MYO3B: variants seen among roughly 807,000 people sequenced by gnomAD.
MYO3B encodes the protein myosin IIIB, also known as myosin-IIIb.
Under a neutral mutation model 174.6 loss-of-function variants are expected in MYO3B, and 156 were observed. The observed-to-expected ratio is 0.89, with a 90% CI of 0.78 to 1.02. MYO3B has a LOEUF of 1.02. Ranked by LOEUF, MYO3B falls within the 50% of genes least tolerant of loss-of-function variation. MYO3B has a pLI of 0.00. For missense variants in MYO3B, 1,632 were observed against 1,639.4 expected (o/e 1.00, Z 0.08); for synonymous variants, 563 against 569.1 (o/e 0.99, Z 0.15).
chr2:170,219,205 C>G (rs896845025), intron 6 of MYO3B, among the ~76,000 whole-genome samples: 1 of 152,230 alleles, frequency 6.6e-6, no homozygotes, highest in Non-Finnish European at 1.5e-5. Context: ...GTTTCCACCA[C>G]GTCCTTAGAC....
At chr2:170,276,086 A>AT (rs1288496453) in intron 7 of MYO3B, among the ~76,000 whole-genome samples, 3 of 152,172 alleles carry the variant, frequency 2.0e-5, no homozygotes, top group Admixed American at 1.3e-4. Flanking sequence ...TTACTTATAA[A>AT]TTTTACTCCT....
chr2:170,276,939 A>G (rs2093467783), intron 7 of MYO3B, among the ~76,000 whole-genome samples: 2 of 152,164 alleles, frequency 1.3e-5, no homozygotes, highest in Admixed American at 1.3e-4. Context: ...CATTTTATGG[A>G]TTATATAATA....
intron 7 of MYO3B, among the ~76,000 whole-genome samples, chr2:170,274,452 A>G (rs2093448624): frequency 6.6e-6 from 1 of 152,158 alleles, no homozygotes; most frequent in African/African-American, 2.4e-5. Context: ...GATTCTACTC[A>G]CTGTGTTCTC....
intron 32 of MYO3B, among the ~76,000 whole-genome samples, chr2:170,564,707 C>T (rs1444528178): frequency 6.6e-6 from 1 of 151,820 alleles, no homozygotes; most frequent in African/African-American, 2.4e-5. Context: ...CAACAATTCG[C>T]TCAGAATCTT....
intron 32 of MYO3B, among the ~76,000 whole-genome samples, chr2:170,558,026 A>T (rs1289325762): frequency 6.6e-6 from 1 of 152,132 alleles, no homozygotes; most frequent in Admixed American, 6.5e-5. Context: ...CGGAGGCCAG[A>T]CACCGTGGCT....
chr2:170,414,059 ATAAC>A (rs1558978179), intron 22 of MYO3B, among the ~76,000 whole-genome samples: 1 of 152,142 alleles, frequency 6.6e-6, no homozygotes, highest in African/African-American at 2.4e-5. Flanking sequence ...AATAAATAAA[ATAAC>A]TATCCTTTCT....
intron 30 of MYO3B, among the ~76,000 whole-genome samples, chr2:170,535,541 G>C (rs558323840): frequency 6.6e-6 from 1 of 152,260 alleles, no homozygotes; most frequent in South Asian, 2.1e-4. Context: ...TGATTATCTG[G>C]AAGAGTCCAG....
chr2:170,507,785 C>G (rs1426888936), intron 28 of MYO3B, among the ~76,000 whole-genome samples: 1 of 152,112 alleles, frequency 6.6e-6, no homozygotes, highest in East Asian at 1.9e-4. Flanking sequence ...GGAAAACATA[C>G]CTTGTCTGTG....
At chr2:170,522,151 A>G (rs768523871) in intron 30 of MYO3B, among the ~76,000 whole-genome samples, 6 of 152,276 alleles carry the variant, frequency 3.9e-5, no homozygotes, top group Admixed American at 6.5e-5. Flanking sequence ...ACCCTGGATG[A>G]TACCATCTCT....
intron 1 of MYO3B, among the ~76,000 whole-genome samples, chr2:170,197,111 G>GGACA (rs2092609945): frequency 6.6e-6 from 1 of 151,708 alleles, no homozygotes; most frequent in African/African-American, 2.4e-5. Flanking sequence ...CAGAGCAAGA[G>GGACA]GACAGCTTCA....
chr2:170,507,969 C>T lies in MYO3B; in HGVS notation c.3370+6104C>T, dbSNP rs536836104. On this transcript the variant is annotated intron_variant, in intron 28 of 34. Transcript: ENST00000408978. ...TTTGCTATGGAATAAAATTATTGCC[C>T]ATGCTAGGATTAAATAAGCCAGAGG... 5.9e-4 allele frequency among the ~76,000 whole-genome samples: 90 copies of T among 152,292 alleles called. 2 individuals carry two copies. The South Asian group carries it at 0.017, about 29-fold the overall frequency.
intron 7 of MYO3B, among the ~76,000 whole-genome samples, chr2:170,281,246 T>C (rs909399261): frequency 3.3e-5 from 5 of 152,208 alleles, no homozygotes; most frequent in African/African-American, 1.2e-4. Context: ...CAATTGTGAA[T>C]GGGATTGTTT....
chr2:170,327,277 C>T (rs900022725), intron 7 of MYO3B, among the ~76,000 whole-genome samples: 5 of 152,100 alleles, frequency 3.3e-5, no homozygotes, highest in South Asian at 2.1e-4. Flanking sequence ...CCCAACTACT[C>T]GGGAGGCTGA....
At chr2:170,431,421 TC>T (rs1360423784) in intron 22 of MYO3B, among the ~76,000 whole-genome samples, 6 of 152,326 alleles carry the variant, frequency 3.9e-5, no homozygotes, top group South Asian at 2.1e-4. Flanking sequence ...TGGACTGACA[TC>T]CTGTTTATGA....
At chr2:170,242,788 C>A (rs1016039300) in intron 7 of MYO3B, among the ~76,000 whole-genome samples, 1 of 152,184 alleles carries the variant, frequency 6.6e-6, no homozygotes, top group African/African-American at 2.4e-5. Flanking sequence ...CTGACTGTGG[C>A]TAATTCCAAC....
chr2:170,309,842 C>T (rs1463189182), intron 7 of MYO3B, among the ~76,000 whole-genome samples: 1 of 151,956 alleles, frequency 6.6e-6, no homozygotes, highest in Admixed American at 6.6e-5. Context: ...GTTGTGCAAC[C>T]AACACCTCTG....
intron 7 of MYO3B, among the ~76,000 whole-genome samples, chr2:170,237,026 T>C (rs1231867311): frequency 6.6e-6 from 1 of 152,240 alleles, no homozygotes; most frequent in African/African-American, 2.4e-5. Context: ...TTCATCATCA[T>C]AATTTTATCA....
intron 7 of MYO3B, among the ~76,000 whole-genome samples, chr2:170,274,511 G>A (rs566958558): frequency 1.3e-5 from 2 of 152,264 alleles, no homozygotes; most frequent in African/African-American, 4.8e-5. Context: ...GTAAATATTG[G>A]ATGAGTGAAC....
chr2:170,313,021 G>T (rs1272937377), intron 7 of MYO3B, among the ~76,000 whole-genome samples: 5 of 152,152 alleles, frequency 3.3e-5, no homozygotes, highest in East Asian at 1.9e-4. Context: ...AGACAACTGG[G>T]TATCTGTTTT....
Sources: gnomAD v4.1 joint callset for allele counts (sites outside exome capture counted in the v4.1 genomes callset) on GRCh38, gnomAD v4.1.1 for gene constraint, MANE v1.5 for transcripts, NCBI Gene and HGNC (gene_info 2026-07-23, HGNC 2026-07-21) for gene names.